The following GALNT13 variants were observed in gnomAD, a reference collection of about 807,000 sequenced individuals.
GALNT13 encodes UDP-GalNAc:polypeptide N-acetylgalactosaminyltransferase 13.
A neutral mutation model predicts 64.2 loss-of-function variants in GALNT13; 28 were observed. The observed-to-expected ratio is 0.44, with a 90% CI of 0.32 to 0.60. GALNT13 has a LOEUF of 0.60. GALNT13 is among the 20% of genes least tolerant of loss of function. The pLI, the probability that GALNT13 is intolerant of heterozygous loss-of-function variation, is 0.05. For missense variants in GALNT13, 577 were observed against 669.8 expected (o/e 0.86, Z 1.53); for synonymous variants, 214 against 224.6 (o/e 0.95, Z 0.42).
At chr2:153,817,266 C>T in the GALNT13 span, among the ~76,000 whole-genome samples, 4 of 152,190 alleles carry the variant, frequency 2.6e-5, no homozygotes, top group African/African-American at 4.8e-5. Context: ...TACCCACTGA[C>T]AAAGACTCTT....
chr2:154,298,203 A>C (rs1250914803), intron 8 of GALNT13, among the ~76,000 whole-genome samples: 1 of 151,674 alleles, frequency 6.6e-6, no homozygotes, highest in East Asian at 1.9e-4. Context: ...AGGAGACTCC[A>C]AGAAAACAGT....
chr2:154,320,883 A>T (rs1032030875), intron 9 of GALNT13, among the ~76,000 whole-genome samples: 1 of 152,202 alleles, frequency 6.6e-6, no homozygotes, highest in African/African-American at 2.4e-5. Context: ...ACTCCTAGGG[A>T]CAGTAACATT....
At chr2:153,565,741 T>C in the GALNT13 span, among the ~76,000 whole-genome samples, 282 of 152,354 alleles carry the variant, frequency 1.9e-3, no homozygotes, top group Non-Finnish European at 2.9e-3. Flanking sequence ...ACTTACTATA[T>C]ATTTATGTCT....
the GALNT13 span, among the ~76,000 whole-genome samples, chr2:153,068,729 C>A: frequency 6.6e-6 from 1 of 152,050 alleles, no homozygotes; most frequent in African/African-American, 2.4e-5. Flanking sequence ...TTTGCTAAGC[C>A]CTTGATTTGC....
rs576544680 is a variant in GALNT13, at chr2:154,398,932, G to A, written c.1296+2802G>A. Among the ~76,000 whole-genome samples, 16 of 152,158 alleles carry A rather than the reference G, an allele frequency of 1.1e-4. 1 individual carries two copies. Among genetic ancestry groups the A allele is most frequent in the African/African-American group, 3.9e-4 (16 of 41,516 alleles). On this transcript the variant is annotated intron_variant, in intron 10 of 12. Transcript: ENST00000392825. ...CTTTCATGACTTGGATTTTATTATC[G>A]CAGGGTTAATAAGGAAACTGACACA...
chr2:153,123,005 G>C, the GALNT13 span, among the ~76,000 whole-genome samples: 1 of 152,044 alleles, frequency 6.6e-6, no homozygotes, highest in East Asian at 1.9e-4. Flanking sequence ...AGAGGAGAAT[G>C]CCATGTGAAG....
chr2:154,334,578 C>T (rs982340088), intron 9 of GALNT13, among the ~76,000 whole-genome samples: 1 of 150,840 alleles, frequency 6.6e-6, no homozygotes, highest in Non-Finnish European at 1.5e-5. Context: ...GCAGTAACCA[C>T]TTATTTGCTT....
At chr2:153,648,093 C>T in the GALNT13 span, among the ~76,000 whole-genome samples, 2 of 152,130 alleles carry the variant, frequency 1.3e-5, no homozygotes, top group African/African-American at 4.8e-5. Flanking sequence ...TCTTCCTATC[C>T]ATGAGCATGG....
At chr2:154,111,375 C>T (rs899312147) in intron 3 of GALNT13, among the ~76,000 whole-genome samples, 3 of 152,174 alleles carry the variant, frequency 2.0e-5, no homozygotes, top group South Asian at 4.1e-4. Flanking sequence ...GCATATTCTT[C>T]CTTACCTCTG....
chr2:153,981,140 C>A (rs1694432297), intron 3 of GALNT13, among the ~76,000 whole-genome samples: 1 of 152,012 alleles, frequency 6.6e-6, no homozygotes, highest in Non-Finnish European at 1.5e-5. Context: ...TCTTTAAAGA[C>A]TAAATACTAG....
chr2:153,870,590 C>T (rs759340784), upstream of GALNT13, among the ~76,000 whole-genome samples: 1 of 151,578 alleles, frequency 6.6e-6, no homozygotes, highest in African/African-American at 2.4e-5. Flanking sequence ...CCATAATTGA[C>T]GGTAGGGCAG....
chr2:154,297,019 A>G (rs1467499769), intron 8 of GALNT13, among the ~76,000 whole-genome samples: 4 of 152,142 alleles, frequency 2.6e-5, no homozygotes, highest in Non-Finnish European at 5.9e-5. Flanking sequence ...TGGTGTGTGA[A>G]AAGGTATGTG....
At chr2:153,805,222 GAC>G in the GALNT13 span, among the ~76,000 whole-genome samples, 1 of 151,440 alleles carries the variant, frequency 6.6e-6, no homozygotes, top group African/African-American at 2.4e-5. Flanking sequence ...AATCTCTAAA[GAC>G]AAAAAAATCA....
chr2:153,110,983 C>A, the GALNT13 span, among the ~76,000 whole-genome samples: 1 of 152,088 alleles, frequency 6.6e-6, no homozygotes, highest in Admixed American at 6.6e-5. Context: ...CTGAAATGCC[C>A]CCCATAGAAG....
chr2:153,770,451 A>G, the GALNT13 span, among the ~76,000 whole-genome samples: 1,553 of 152,280 alleles, frequency 0.01, 24 homozygotes, highest in African/African-American at 0.034. Flanking sequence ...GGCACCTATG[A>G]GGCTGAAGCG....
the GALNT13 span, among the ~76,000 whole-genome samples, chr2:153,306,735 G>A: frequency 1.3e-5 from 2 of 152,278 alleles, no homozygotes; most frequent in Non-Finnish European, 2.9e-5. Context: ...AGGAGATCGT[G>A]CTTTATTCTC....
At chr2:154,402,164 T>A (rs1461691887) in intron 10 of GALNT13, among the ~76,000 whole-genome samples, 1 of 152,166 alleles carries the variant, frequency 6.6e-6, no homozygotes, top group Non-Finnish European at 1.5e-5. Flanking sequence ...TAAAGTAAAA[T>A]AATGCTAGTT....
chr2:154,324,180 A>AT (rs551662340), intron 9 of GALNT13, among the ~76,000 whole-genome samples: 3,452 of 149,602 alleles, frequency 0.023, 67 homozygotes, highest in Non-Finnish European at 0.036. Context: ...GTTGAAATTG[A>AT]TTTTTTTTTG....
chr2:153,735,941 C>T, the GALNT13 span, among the ~76,000 whole-genome samples: 54 of 152,238 alleles, frequency 3.5e-4, no homozygotes, highest in African/African-American at 1.3e-3. Flanking sequence ...CCAAGTTTAT[C>T]GTCTGTAAGA....
Sources: gnomAD v4.1 joint callset for allele counts (sites outside exome capture counted in the v4.1 genomes callset) on GRCh38, gnomAD v4.1.1 for gene constraint, MANE v1.5 for transcripts, NCBI Gene and HGNC (gene_info 2026-07-23, HGNC 2026-07-21) for gene names.